The following CDKN2B-AS1 variants were observed in gnomAD, a reference collection of about 807,000 sequenced individuals.
The protein encoded by CDKN2B-AS1 is CDKN2B antisense RNA 1 (non-protein coding).
intron 4 of CDKN2B-AS1, among the ~76,000 whole-genome samples, chr9:22,106,273 G>A (rs1292626111): frequency 6.6e-6 from 1 of 152,024 alleles, no homozygotes; most frequent in East Asian, 1.9e-4. Flanking sequence ...AGTAAAGATA[G>A]GGTTTCAGCA....
chr9:21,999,251 A>T lies in CDKN2B-AS1; in HGVS notation n.29+4090A>T, dbSNP rs1311143562. 6.6e-6 allele frequency among the ~76,000 whole-genome samples: 1 copy of T among 151,830 alleles called. No homozygotes were observed. Among genetic ancestry groups the T allele is most frequent in the African/African-American group, 2.4e-5 (1 of 41,374 alleles). ...TTTGACTCAGCTATTCCACTATTTT[A>T]AGTATGTAAAGACACACACAAATAA... On this transcript the variant is annotated intron_variant and non_coding_transcript_variant, in intron 1 of 4. Transcript: ENST00000650946. This position sits in a 1 kb window ranked among gnomAD's most constrained non-coding sequence, Gnocchi z 4.7.
Position 22,091,685 on chromosome 9 carries a change from C to G in CDKN2B-AS1, n.438+35298C>G, listed in dbSNP as rs150901650. Among the ~76,000 whole-genome samples, 1,374 of 152,252 alleles carry G rather than the reference C, an allele frequency of 9.0e-3. 109 individuals are homozygous for G. The East Asian group carries it at 0.19, about 21-fold the overall frequency. ...CGCACATTGATTTTTTATCCTGAGA[C>G]TTTGCTGAAGTTGCTTATCAGCTTG... is the stretch of plus-strand genomic sequence containing the variant. On this transcript the variant is annotated intron_variant and non_coding_transcript_variant, in intron 4 of 4. Transcript: ENST00000650946.
chr9:22,116,703 T>G (rs1825957500), intron 4 of CDKN2B-AS1, among the ~76,000 whole-genome samples: 2 of 152,020 alleles, frequency 1.3e-5, no homozygotes, highest in African/African-American at 4.8e-5. Flanking sequence ...CCACAGGGGA[T>G]GAAAGGGAGG....
At chr9:22,055,764 G>T (rs1217029906) in intron 3 of CDKN2B-AS1, among the ~76,000 whole-genome samples, 2 of 152,020 alleles carry the variant, frequency 1.3e-5, no homozygotes, top group African/African-American at 2.4e-5. Context: ...CCTGGCTTGG[G>T]TTTTATATTT....
At chr9:22,104,691 G>T (rs1033872130) in intron 4 of CDKN2B-AS1, among the ~76,000 whole-genome samples, 2 of 152,000 alleles carry the variant, frequency 1.3e-5, no homozygotes, top group African/African-American at 2.4e-5. Context: ...CCATTTGTTT[G>T]TTTTTTGTTC....
At chr9:22,090,572 T>C (rs1471035484) in intron 4 of CDKN2B-AS1, among the ~76,000 whole-genome samples, 2 of 152,370 alleles carry the variant, frequency 1.3e-5, no homozygotes, top group East Asian at 3.9e-4. Flanking sequence ...ATTTCTCTGA[T>C]GCCCAGTGAT....
chr9:22,099,476 C>A (rs1161277274), intron 4 of CDKN2B-AS1, among the ~76,000 whole-genome samples: 1 of 152,114 alleles, frequency 6.6e-6, no homozygotes, highest in Non-Finnish European at 1.5e-5. Context: ...TACATATTTT[C>A]TTGTTTTTAG....
intron 4 of CDKN2B-AS1, among the ~76,000 whole-genome samples, chr9:22,080,037 T>A (rs962360730): frequency 1.1e-4 from 17 of 152,242 alleles, no homozygotes; most frequent in Admixed American, 2.0e-4. Flanking sequence ...AAACCAGGTG[T>A]GTCCCACACC....
chr9:22,109,985 A>G (rs1434475876), intron 4 of CDKN2B-AS1, among the ~76,000 whole-genome samples: 1 of 152,138 alleles, frequency 6.6e-6, no homozygotes, highest in East Asian at 1.9e-4. Flanking sequence ...TAACACTGCA[A>G]CAAACTCACT....
intron 4 of CDKN2B-AS1, among the ~76,000 whole-genome samples, chr9:22,110,183 C>CTTCTAAGATATAGTTCTAAGATA (rs1825769375): frequency 6.6e-6 from 1 of 152,146 alleles, no homozygotes; most frequent in African/African-American, 2.4e-5. Context: ...GATATAGTTA[C>CTTCTAAGATATAGTTCTAAGATA]TAGTTGATCA....
At chr9:22,055,491 A>G (rs1330948683) in intron 3 of CDKN2B-AS1, among the ~76,000 whole-genome samples, 1 of 152,198 alleles carries the variant, frequency 6.6e-6, no homozygotes, top group Non-Finnish European at 1.5e-5. Context: ...TTAGCTCAGG[A>G]CATACTCAGC....
intron 4 of CDKN2B-AS1, among the ~76,000 whole-genome samples, chr9:22,124,258 A>G (rs1023122275): frequency 6.6e-6 from 1 of 152,348 alleles, no homozygotes; most frequent in Admixed American, 6.5e-5. Flanking sequence ...GCAAACCACA[A>G]TCCCACATTT....
chr9:22,029,644 A>G, intron 1 of CDKN2B-AS1: 2 of 551,878 alleles, frequency 3.6e-6, no homozygotes. Context: ...GTGATAAAAG[A>G]AGAGCCTTGG....
At chr9:22,052,290 G>C (rs547544050) in intron 3 of CDKN2B-AS1, among the ~76,000 whole-genome samples, 38 of 152,202 alleles carry the variant, frequency 2.5e-4, no homozygotes, top group African/African-American at 8.4e-4. Flanking sequence ...GGTCCCTAGA[G>C]CATAGCAGGC....
At chr9:22,010,520 T>G (rs943783746) in intron 1 of CDKN2B-AS1, among the ~76,000 whole-genome samples, 2 of 152,168 alleles carry the variant, frequency 1.3e-5, no homozygotes, top group African/African-American at 4.8e-5. Context: ...CATGTTTTTT[T>G]TAGGATACCT....
intron 1 of CDKN2B-AS1, among the ~76,000 whole-genome samples, chr9:22,023,565 C>T (rs1013207102): frequency 3.3e-5 from 5 of 151,732 alleles, no homozygotes; most frequent in Admixed American, 2.6e-4. Context: ...GAAACCCCAC[C>T]TCTACTAAAA....
chr9:22,033,415 A>T (rs1302838438), intron 1 of CDKN2B-AS1, among the ~76,000 whole-genome samples: 1 of 152,154 alleles, frequency 6.6e-6, no homozygotes, highest in East Asian at 1.9e-4. Flanking sequence ...GCAAAATTTA[A>T]TAATAGCACC....
chr9:22,070,925 C>G (rs1824260538), intron 4 of CDKN2B-AS1, among the ~76,000 whole-genome samples: 1 of 152,034 alleles, frequency 6.6e-6, no homozygotes. Context: ...AGATGTAAGC[C>G]TAGAGTAGCT....
rs77061973 is a variant in CDKN2B-AS1 at position 22,045,219 on chromosome 9, C to G, written n.30-1532C>G. 8.3e-3 allele frequency among the ~76,000 whole-genome samples: 1,255 copies of G among 151,938 alleles called. 82 individuals carry two copies. In the East Asian group the frequency reaches 0.18, roughly 21 times the overall value. On this transcript the variant is annotated intron_variant and non_coding_transcript_variant, in intron 1 of 4. Transcript: ENST00000650946. Reference sequence around the variant, plus strand: ...TAAAAATGAATTGCTTGTATTCTAACATAGAATAGCTACTACCTGTTGAGT... The same window carrying G: ...TAAAAATGAATTGCTTGTATTCTAAGATAGAATAGCTACTACCTGTTGAGT...
Sources: allele counts gnomAD v4.1 joint callset (sites outside exome capture counted in the v4.1 genomes callset), GRCh38; gene constraint gnomAD v4.1.1; non-coding constraint Gnocchi (gnomAD v3.1); transcripts MANE v1.5; gene names NCBI Gene and HGNC (gene_info 2026-07-23, HGNC 2026-07-21).